REEP1: variants seen among roughly 807,000 people sequenced by gnomAD.
REEP1 encodes the protein receptor expression-enhancing protein 1.
In REEP1, 22 loss-of-function variants were observed where a neutral mutation model predicts 40.3. The ratio of observed to expected loss-of-function variants is 0.55; its 90% CI spans 0.39 to 0.78. REEP1 has a LOEUF of 0.78. Ranked by LOEUF, REEP1 falls within the 30% of genes least tolerant of loss-of-function variation. The probability of loss-of-function intolerance (pLI) is 0.00; values close to 1 mark genes in which losing one functional copy is unlikely to be tolerated. For missense variants in REEP1, 280 were observed against 361.1 expected (o/e 0.78, Z 1.82); for synonymous variants, 116 against 139.2 (o/e 0.83, Z 1.17).
chr2:86,326,712 C>CA (rs11348248), intron 1 of REEP1, among the ~76,000 whole-genome samples: 4,523 of 149,672 alleles, frequency 0.03, 116 homozygotes, highest in East Asian at 0.069. Flanking sequence ...AACTCCATCT[C>CA]AAAAAAAAAA....
chr2:86,334,596 A>G (rs1470041410), intron 1 of REEP1, among the ~76,000 whole-genome samples: 1 of 152,120 alleles, frequency 6.6e-6, no homozygotes, highest in African/African-American at 2.4e-5. Flanking sequence ...GGAGGACTAG[A>G]TCAGTTGTTT....
chr2:86,247,042 A>T (rs1305685928), intron 5 of REEP1, among the ~76,000 whole-genome samples: 1 of 152,128 alleles, frequency 6.6e-6, no homozygotes, highest in Non-Finnish European at 1.5e-5. Context: ...TGCTTAACAA[A>T]TAAATTTCTA....
intron 2 of REEP1, among the ~76,000 whole-genome samples, chr2:86,271,348 A>G (rs1677438248): frequency 1.3e-5 from 2 of 152,028 alleles, no homozygotes; most frequent in Admixed American, 1.3e-4. Flanking sequence ...AAGAAGAGAA[A>G]AAAAGAAAAA....
chr2:86,332,528 A>G (rs1680823342), intron 1 of REEP1, among the ~76,000 whole-genome samples: 1 of 151,906 alleles, frequency 6.6e-6, no homozygotes, highest in African/African-American at 2.4e-5. Flanking sequence ...CTAAATGGCC[A>G]AAGAGGACCT....
At chr2:86,233,988 G>A (rs1323336834) in intron 5 of REEP1, among the ~76,000 whole-genome samples, 1 of 152,102 alleles carries the variant, frequency 6.6e-6, no homozygotes, top group Non-Finnish European at 1.5e-5. Context: ...AGGGCTGCTG[G>A]TGGGATTGAT....
rs1863062 is a variant in REEP1, at chr2:86,290,680, C to T, written c.33-8438G>A. On this transcript the variant is annotated intron_variant, in intron 1 of 8. Coordinates refer to ENST00000538924, the MANE Select transcript of REEP1 (RefSeq NM_001371279.1). ...AGCCCTGAAAGGACTGTCTCAGATACGCTGTGGGCCTGGGATCTAAGTGCT... is the reference window on the plus strand; with the variant it reads ...AGCCCTGAAAGGACTGTCTCAGATATGCTGTGGGCCTGGGATCTAAGTGCT... Among the ~76,000 whole-genome samples, 148 of 152,232 alleles carry T rather than the reference C, an allele frequency of 9.7e-4. 1 individual carries two copies. The highest frequency in any genetic ancestry group is 3.3e-3 in the African/African-American group (138 of 41,510).
At chr2:86,261,010 C>T (rs1026438792) in intron 3 of REEP1, among the ~76,000 whole-genome samples, 1 of 152,144 alleles carries the variant, frequency 6.6e-6, no homozygotes, top group African/African-American at 2.4e-5. Context: ...ATATGAAACT[C>T]TAAAATTCCA....
At chr2:86,280,050 G>T (rs1208121298) in intron 2 of REEP1, 2 of 456,368 alleles carry the variant, frequency 4.4e-6, no homozygotes, top group South Asian at 1.5e-5. Flanking sequence ...AGGCGACAGG[G>T]ATGAAGGGAC....
At position 86,220,008 on chromosome 2, in the gene REEP1, T is replaced by C. The variant is rs955895692; in HGVS notation, c.745A>G (p.Lys249Glu). 8.1e-7 allele frequency: 1 copy of C among 1,232,040 alleles called. No homozygotes were observed. Among genetic ancestry groups the C allele is most frequent in the African/African-American group, 1.6e-5 (1 of 64,380 alleles). 76.3% of individuals were successfully genotyped at this position (1,232,040 alleles called of 1,614,324 possible). A position where few individuals can be genotyped will look rare whatever the true frequency, so the allele number is the denominator to read the frequency against. Residue 249 changes from lysine (K) to glutamate (E), a missense_variant, in exon 8 of 9, where the codon AAG becomes GAG. Physicochemically the swap from Lys to Glu is moderately conservative, Grantham distance 56 (BLOSUM62 1). Around this residue, in one of 3 missense-constraint regions of REEP1, gnomAD observed 201 missense variants for 238.5 expected, o/e 0.84. Coordinates refer to ENST00000538924, the MANE Select transcript of REEP1 (RefSeq NM_001371279.1). Reference sequence around the variant, plus strand: ...TCCATCCTTCGAGGTGCTTTATACTTGTACATGAAATCCAGCAGGTCTTCC... The same window carrying C: ...TCCATCCTTCGAGGTGCTTTATACTCGTACATGAAATCCAGCAGGTCTTCC... ...EEEDLLDFMY[K>E]YKAPRRMELP...
rs1210305914 is a variant in REEP1, at chr2:86,216,330, A to G, written c.*709T>C. 6.6e-6 allele frequency: 1 copy of G among 152,068 alleles called. No homozygotes were observed. The highest frequency in any genetic ancestry group is 1.5e-5 in the Non-Finnish European group (1 of 68,016). The allele number at this position is 152,068 out of a possible 1,614,324, so 9.4% of individuals were successfully genotyped here. A position where few individuals can be genotyped will look rare whatever the true frequency, so the allele number is the denominator to read the frequency against. On this transcript the variant is annotated 3_prime_UTR_variant, in exon 9 of 9. Transcript: ENST00000538924. ...TTCCCCTGACCTCTCATCACACTTT[A>G]CTGTGTTGTGAAATATTGTTTCTCT...
chr2:86,279,230 CTTGGGTGTTG>C, intron 2 of REEP1, among the ~76,000 whole-genome samples: 1 of 152,162 alleles, frequency 6.6e-6, no homozygotes, highest in Non-Finnish European at 1.5e-5. Flanking sequence ...CCAACCACAC[CTTGGGTGTTG>C]AGATTACAGC....
At chr2:86,245,009 G>A (rs928314690) in intron 5 of REEP1, among the ~76,000 whole-genome samples, 2 of 152,154 alleles carry the variant, frequency 1.3e-5, no homozygotes, top group African/African-American at 2.4e-5. Flanking sequence ...AGCCAGGCGT[G>A]GGGGCAGGCA....
chr2:86,321,121 A>G (rs57771960), intron 1 of REEP1, among the ~76,000 whole-genome samples: 27,357 of 152,130 alleles, frequency 0.18, 4,149 homozygotes, highest in African/African-American at 0.42. Context: ...CACCCGGCCA[A>G]AATGAAGAGA....
rs993592605 is a variant in REEP1, at chr2:86,216,750, A to C, written c.*289T>G. 1.3e-5 allele frequency: 5 copies of C among 372,506 alleles called. No homozygotes were observed. The highest frequency in any genetic ancestry group is 2.0e-5 in the Non-Finnish European group (4 of 200,866). The allele number at this position is 372,506 out of a possible 1,614,324, so 23.1% of individuals were successfully genotyped here. On this transcript the variant is annotated 3_prime_UTR_variant, in exon 9 of 9. Coordinates refer to ENST00000538924, the MANE Select transcript of REEP1 (RefSeq NM_001371279.1). ...ATTCTCTTATCTTTCTAAAAAACAC[A>C]CTGCTGTCTATAATGACAATCCAAT...
chr2:86,337,619 G>A lies in REEP1; in HGVS notation c.-109C>T, dbSNP rs1182445439. On this transcript the variant is annotated 5_prime_UTR_variant, in exon 1 of 9. Transcript: ENST00000538924. This position sits in a 1 kb window ranked among gnomAD's most constrained non-coding sequence, Gnocchi z 5.8. ...CGTCAGTCAGCTCACGGCAGCCGCC[G>A]CCAGACTGAGCGCGCCCGCCGCCCT... 63 of 1,112,738 alleles carry A rather than the reference G, an allele frequency of 5.7e-5. No homozygotes were observed. The highest frequency in any genetic ancestry group is 6.8e-5 in the Non-Finnish European group (62 of 912,094). The allele number at this position is 1,112,738 out of a possible 1,614,324, so 68.9% of individuals were successfully genotyped here. A position where few individuals can be genotyped will look rare whatever the true frequency, so the allele number is the denominator to read the frequency against.
intron 5 of REEP1, among the ~76,000 whole-genome samples, chr2:86,242,967 G>T (rs1675743479): frequency 6.6e-6 from 1 of 152,142 alleles, no homozygotes; most frequent in Non-Finnish European, 1.5e-5. Context: ...CATCAGAATG[G>T]TGGGACACAC....
intron 1 of REEP1, among the ~76,000 whole-genome samples, chr2:86,306,470 C>G (rs566150530): frequency 3.9e-5 from 6 of 152,308 alleles, no homozygotes; most frequent in African/African-American, 1.4e-4. Flanking sequence ...CCAGTTTGCT[C>G]AAACTGTTAC....
chr2:86,273,823 A>G (rs1677596667), intron 2 of REEP1, among the ~76,000 whole-genome samples: 1 of 152,162 alleles, frequency 6.6e-6, no homozygotes, highest in Non-Finnish European at 1.5e-5. Flanking sequence ...AACATTTATC[A>G]CACTGCTTTG....
chr2:86,240,547 G>A (rs533247405), intron 5 of REEP1, among the ~76,000 whole-genome samples: 6 of 152,314 alleles, frequency 3.9e-5, no homozygotes, highest in Non-Finnish European at 8.8e-5. Flanking sequence ...GAGAGTGGAC[G>A]AAAACCCAAG....
Sources: gnomAD v4.1 joint callset for allele counts (sites outside exome capture counted in the v4.1 genomes callset) on GRCh38, gnomAD v4.1.1 for gene constraint, gnomAD v4.1.1 regional missense constraint, Gnocchi (gnomAD v3.1) non-coding constraint, MANE v1.5 for transcripts, NCBI Gene and HGNC (gene_info 2026-07-23, HGNC 2026-07-21) for gene names.